The following CDH4 variants were observed in gnomAD, a reference collection of about 807,000 sequenced individuals.
CDH4 encodes the protein cadherin-4.
A neutral mutation model predicts 86.0 loss-of-function variants in CDH4; 33 were observed. The ratio of observed to expected loss-of-function variants is 0.38; its 90% CI spans 0.29 to 0.51. CDH4 has a LOEUF of 0.51. CDH4 is among the 20% of genes least tolerant of loss of function. The pLI is 0.86. For synonymous variants in CDH4, 555 were observed against 549.4 expected, an observed-to-expected ratio of 1.01 and a Z score of -0.14; for missense variants, 1,114 against 1,307.4, an observed-to-expected ratio of 0.85 and a Z score of 2.28.
At chr20:61,715,504 C>G (rs950367941) in intron 2 of CDH4, among the ~76,000 whole-genome samples, 1 of 152,196 alleles carries the variant, frequency 6.6e-6, no homozygotes, top group Non-Finnish European at 1.5e-5. Flanking sequence ...AACAAAGCCA[C>G]TCCTTCCATA....
chr20:61,791,569 A>G (rs1337429830), intron 4 of CDH4, among the ~76,000 whole-genome samples: 1 of 152,232 alleles, frequency 6.6e-6, no homozygotes, highest in African/African-American at 2.4e-5. Context: ...AGCACTATAC[A>G]TTGCTGGTGG....
chr20:61,777,400 G>A (rs1018037339), intron 4 of CDH4, among the ~76,000 whole-genome samples: 5 of 152,244 alleles, frequency 3.3e-5, no homozygotes, highest in African/African-American at 9.6e-5. Flanking sequence ...GTCCCTGCAA[G>A]TATCGCTGTG....
intron 4 of CDH4, among the ~76,000 whole-genome samples, chr20:61,827,972 C>A (rs1203767822): frequency 6.6e-6 from 1 of 152,074 alleles, no homozygotes; most frequent in Non-Finnish European, 1.5e-5. Flanking sequence ...GCTAAGTAAC[C>A]AACTCATTAT....
intron 2 of CDH4, among the ~76,000 whole-genome samples, chr20:61,331,843 G>A (rs372973811): frequency 2.6e-5 from 4 of 152,142 alleles, no homozygotes; most frequent in East Asian, 1.9e-4. Flanking sequence ...CCCCTGGACC[G>A]CAAGCCCTTG....
intron 2 of CDH4, among the ~76,000 whole-genome samples, chr20:61,559,577 T>A (rs2086201885): frequency 7.0e-6 from 1 of 141,886 alleles, no homozygotes; most frequent in Non-Finnish European, 1.5e-5. Context: ...CAGGCTGGAG[T>A]GCAATGGTGT....
intron 2 of CDH4, among the ~76,000 whole-genome samples, chr20:61,571,434 G>A (rs1294152241): frequency 1.3e-5 from 2 of 152,148 alleles, no homozygotes; most frequent in Non-Finnish European, 2.9e-5. Flanking sequence ...GTTTCCAGGC[G>A]CCATGGCAGG....
intron 2 of CDH4, among the ~76,000 whole-genome samples, chr20:61,534,045 G>T (rs1180558455): frequency 2.0e-5 from 3 of 152,178 alleles, no homozygotes. Context: ...AACATATTCG[G>T]CAATAGGCAG....
intron 2 of CDH4, among the ~76,000 whole-genome samples, chr20:61,486,420 C>T (rs1348381921): frequency 6.6e-6 from 1 of 152,228 alleles, no homozygotes; most frequent in Non-Finnish European, 1.5e-5. Flanking sequence ...CTGTTCCTCT[C>T]GCAGTCCGGG....
At chr20:61,729,421 C>T (rs1272686610) in intron 2 of CDH4, among the ~76,000 whole-genome samples, 4 of 152,182 alleles carry the variant, frequency 2.6e-5, no homozygotes, top group Non-Finnish European at 5.9e-5. Flanking sequence ...TCTGTATCTC[C>T]CAATACACCT....
At chr20:61,853,699 C>T (rs1159577881) in intron 6 of CDH4, among the ~76,000 whole-genome samples, 2 of 152,180 alleles carry the variant, frequency 1.3e-5, no homozygotes, top group Non-Finnish European at 2.9e-5. Flanking sequence ...TCCACATCCC[C>T]ACAGGGCTGG....
intron 2 of CDH4, among the ~76,000 whole-genome samples, chr20:61,615,952 C>G (rs1332453883): frequency 6.6e-6 from 1 of 152,148 alleles, no homozygotes; most frequent in Admixed American, 6.5e-5. Context: ...TCTGAGAGGC[C>G]AAGAGAGCAG....
At chr20:61,378,534 C>G (rs551426079) in intron 2 of CDH4, among the ~76,000 whole-genome samples, 2 of 152,150 alleles carry the variant, frequency 1.3e-5, no homozygotes, top group African/African-American at 4.8e-5. Flanking sequence ...TCTGTCTTCC[C>G]GCGGCCTTCT....
At chr20:61,534,064 T>A (rs1174814256) in intron 2 of CDH4, among the ~76,000 whole-genome samples, 1 of 152,258 alleles carries the variant, frequency 6.6e-6, no homozygotes, top group Admixed American at 6.5e-5. Context: ...AGGCATGAGA[T>A]AGCATAACTC....
At chr20:61,912,393 TTAA>T (rs1418904427) in intron 9 of CDH4, among the ~76,000 whole-genome samples, 1 of 152,222 alleles carries the variant, frequency 6.6e-6, no homozygotes, top group East Asian at 1.9e-4. Flanking sequence ...TTTCCTTTTC[TTAA>T]TAACCTCTTT....
At chr20:61,737,919 G>A (rs1036597124) in intron 2 of CDH4, among the ~76,000 whole-genome samples, 1 of 152,234 alleles carries the variant, frequency 6.6e-6, no homozygotes, top group Non-Finnish European at 1.5e-5. Flanking sequence ...CCAAGACCAG[G>A]GTAGGTGTGC....
At chr20:61,336,638 A>C (rs1217765538) in intron 2 of CDH4, among the ~76,000 whole-genome samples, 4 of 152,202 alleles carry the variant, frequency 2.6e-5, no homozygotes, top group Admixed American at 6.5e-5. Context: ...AGGGCCTTCT[A>C]TAGCCAGCCT....
In CDH4 at chr20:61,383,135, T is replaced by C; in HGVS notation, c.169+128198T>C. 2.1e-5 allele frequency among the ~76,000 whole-genome samples: 2 copies of C among 97,276 alleles called. 1 individual carries two copies. Among genetic ancestry groups the C allele is most frequent in the Admixed American group, 2.2e-4 (2 of 9,122 alleles). 63.8% of individuals were successfully genotyped at this position (97,276 alleles called of 152,430 possible). A position where few individuals can be genotyped will look rare whatever the true frequency, so the allele number is the denominator to read the frequency against. On this transcript the variant is annotated intron_variant, in intron 2 of 15. Coordinates refer to ENST00000614565, the MANE Select transcript of CDH4 (RefSeq NM_001794.5). ...ATATAGAATATATATGAATATATTA[T>C]ATATATGAATATATATGAATATATT...
At chr20:61,349,574 G>T (rs1415944982) in intron 2 of CDH4, among the ~76,000 whole-genome samples, 1 of 152,198 alleles carries the variant, frequency 6.6e-6, no homozygotes, top group Non-Finnish European at 1.5e-5. Context: ...TGTCCCCGTT[G>T]CTGGATGCTG....
chr20:61,385,237 C>T (rs1054796633), intron 2 of CDH4, among the ~76,000 whole-genome samples: 3 of 152,136 alleles, frequency 2.0e-5, no homozygotes, highest in Admixed American at 6.6e-5. Flanking sequence ...AGGGTTTAAC[C>T]TTATACGGAG....
Sources: allele counts gnomAD v4.1 joint callset (sites outside exome capture counted in the v4.1 genomes callset), GRCh38; gene constraint gnomAD v4.1.1; transcripts MANE v1.5; gene names NCBI Gene and HGNC (gene_info 2026-07-23, HGNC 2026-07-21).